The following WDFY3 variants were observed in gnomAD, a reference collection of about 807,000 sequenced individuals.
WDFY3 encodes WD repeat and FYVE domain containing 3.
WDFY3 carries 66 observed loss-of-function variants against 409.6 expected under a neutral mutation model. The observed-to-expected ratio is 0.16, with a 90% CI of 0.13 to 0.20. The LOEUF (loss-of-function observed/expected upper bound fraction) is 0.20, where lower values mean the gene tolerates loss of function less well. Among genes scored for constraint, WDFY3 ranks in the 10% least tolerant of loss-of-function variants. The pLI is 1.00. For missense variants in WDFY3, 3,031 were observed against 4,298.1 expected (o/e 0.71, Z 8.24); for synonymous variants, 1,521 against 1,537.1 (o/e 0.99, Z 0.25).
intron 47 of WDFY3, 146 bp downstream of exon 47, chr4:84,721,263 G>A: frequency 9.8e-7 from 1 of 1,020,126 alleles, no homozygotes. Context: ...GAGAAAAGTA[G>A]AGTACTGAAC....
intron 24 of WDFY3, 126 bp from the exon 25 acceptor site, chr4:84,783,200 A>C (rs1746875016): frequency 1.1e-6 from 1 of 883,628 alleles, no homozygotes; most frequent in South Asian, 1.7e-5. Flanking sequence ...AATACTGAAA[A>C]ACGAGCATTT....
intron 53 of WDFY3, 27 bp from the exon 54 acceptor site, chr4:84,705,538 C>T: frequency 4.5e-6 from 7 of 1,549,876 alleles, no homozygotes; most frequent in Non-Finnish European, 5.3e-6. Flanking sequence ...AACTCAATTC[C>T]AAGTTACTAT....
chr4:84,929,893 AAG>A (rs1467929125), intron 2 of WDFY3, among the ~76,000 whole-genome samples: 1 of 151,914 alleles, frequency 6.6e-6, no homozygotes, highest in Non-Finnish European at 1.5e-5. Flanking sequence ...CCTGGGCAAC[AAG>A]AGAGAAACTT....
chr4:84,858,983 CAGAT>C (rs550823056), intron 4 of WDFY3, among the ~76,000 whole-genome samples: 354 of 151,202 alleles, frequency 2.3e-3, no homozygotes, highest in African/African-American at 7.9e-3. Flanking sequence ...GAGAGACAGA[CAGAT>C]AGGAAGAAAG....
Position 84,743,722 on chromosome 4 carries a change from C to T in WDFY3, c.6051G>A (p.Leu2017=). The change falls in exon 37 of 68, where the codon TTG becomes TTA. Residue 2017 remains leucine, a synonymous_variant. Transcript: ENST00000295888. ...TACCTAATAACACATCAGCTGCAAG[C>T]AAATGGTCCATCACGCTATCCAAAA... ...TYILDSVMDH[L]LAADVLLGED... 6.3e-7 allele frequency: 1 copy of T among 1,578,864 alleles called. No homozygotes were observed. The highest frequency in any genetic ancestry group is 8.6e-7 in the Non-Finnish European group (1 of 1,158,828).
intron 67 of WDFY3, among the ~76,000 whole-genome samples, chr4:84,674,973 A>G (rs956314005): frequency 6.7e-6 from 1 of 150,148 alleles, no homozygotes; most frequent in Non-Finnish European, 1.5e-5. Context: ...TAAATTTATT[A>G]TCTATTTTTT....
At position 84,705,377 on chromosome 4, in the gene WDFY3, C is replaced by G. The variant is rs746969155; in HGVS notation, c.8335+17G>C. The G allele has an allele frequency of 6.2e-7, 1 of 1,602,310 alleles. No individual in the cohort carries two copies. Among genetic ancestry groups the G allele is most frequent in the Non-Finnish European group, 8.5e-7 (1 of 1,171,420 alleles). On this transcript the variant is annotated intron_variant, in intron 54 of 67. Coordinates refer to ENST00000295888, the MANE Select transcript of WDFY3 (RefSeq NM_014991.6). ...GAAACTTGGGTACAAAGTCCAATGA[C>G]AGAAAAAGTTCCTTACCATTAGGAT...
intron 1 of WDFY3, among the ~76,000 whole-genome samples, chr4:84,945,330 TAAATTATA>T (rs779173493): frequency 4.6e-5 from 7 of 152,220 alleles, no homozygotes; most frequent in Non-Finnish European, 7.3e-5. Flanking sequence ...TCTTAGCAGG[TAAATTATA>T]ACAAACCCTT....
chr4:84,759,046 T>C (rs1560684290), intron 32 of WDFY3, among the ~76,000 whole-genome samples: 1 of 152,198 alleles, frequency 6.6e-6, no homozygotes, highest in Admixed American at 6.5e-5. Context: ...CCCAGCACCA[T>C]TTATTGAACA....
At chr4:84,844,585 G>C in intron 5 of WDFY3, 2 of 1,189,622 alleles carry the variant, frequency 1.7e-6, no homozygotes, top group Non-Finnish European at 2.2e-6. Flanking sequence ...AGAGTACTGG[G>C]GTCAACATCA....
chr4:84,813,020 CAGG>C (rs917308288), intron 13 of WDFY3, among the ~76,000 whole-genome samples: 11 of 152,030 alleles, frequency 7.2e-5, no homozygotes, highest in African/African-American at 2.7e-4. Context: ...ATTTGTGCAT[CAGG>C]AGAATTTCCA....
intron 10 of WDFY3, among the ~76,000 whole-genome samples, chr4:84,824,262 G>A (rs1204547848): frequency 6.6e-6 from 1 of 152,134 alleles, no homozygotes; most frequent in Non-Finnish European, 1.5e-5. Flanking sequence ...TTAAGAGAGA[G>A]CACACATTTA....
In WDFY3 at chr4:84,678,235, T is replaced by C; in HGVS notation, c.10192A>G (p.Met3398Val). 1.2e-6 allele frequency: 2 copies of C among 1,614,112 alleles called. No individual in the cohort carries two copies. The highest frequency in any genetic ancestry group is 2.2e-5 in the South Asian group (2 of 91,080). ...RQLVFRSKLT[M>V]HTAFDRKDNA... ...TCCTTTCGATCAAAGGCTGTGTGCA[T>C]AGTCAGCTTACTCCTGAACACCAGC... The change falls in exon 66 of 68, where the codon ATG becomes GTG. Residue 3398 changes from methionine to valine, a missense_variant. Coordinates refer to ENST00000295888, the MANE Select transcript of WDFY3 (RefSeq NM_014991.6).
At chr4:84,755,240 A>G in intron 34 of WDFY3, 26 bp downstream of exon 34, 1 of 1,600,916 alleles carries the variant, frequency 6.2e-7, no homozygotes, top group Non-Finnish European at 8.5e-7. Flanking sequence ...AATTCTCAAT[A>G]GGCCTGGGCA....
intron 3 of WDFY3, among the ~76,000 whole-genome samples, chr4:84,884,941 T>C (rs1283804053): frequency 6.6e-6 from 1 of 152,194 alleles, no homozygotes; most frequent in Non-Finnish European, 1.5e-5. Flanking sequence ...CAAAATGGAT[T>C]AAAGATCCAA....
chr4:84,684,070 T>C lies in WDFY3; in HGVS notation c.9599A>G (p.Asn3200Ser). 6.2e-7 allele frequency: 1 copy of C among 1,612,526 alleles called. No homozygotes were observed. Among genetic ancestry groups the C allele is most frequent in the Non-Finnish European group, 8.5e-7 (1 of 1,178,716 alleles). Residue 3200 changes from asparagine (N) to serine (S), a missense_variant, in exon 63 of 68, where the codon AAC becomes AGC. Transcript: ENST00000295888. Reference protein sequence around the residue: ...TYIHVWSINGNPIVSVNTFTG... With the variant: ...TYIHVWSINGSPIVSVNTFTG... Reference sequence around the variant, plus strand: ...GAACGTGTTGACACTCACGATAGGGTTCCCATTGATGCTCCACACATGGAT... The same window carrying C: ...GAACGTGTTGACACTCACGATAGGGCTCCCATTGATGCTCCACACATGGAT...
intron 12 of WDFY3, among the ~76,000 whole-genome samples, chr4:84,819,119 G>A (rs1238816071): frequency 2.6e-5 from 4 of 151,958 alleles, no homozygotes; most frequent in South Asian, 2.1e-4. Flanking sequence ...GTCTATCTTA[G>A]CATTTGCCAA....
intron 1 of WDFY3, among the ~76,000 whole-genome samples, chr4:84,935,968 T>G (rs1042091912): frequency 3.9e-5 from 6 of 152,270 alleles, no homozygotes; most frequent in African/African-American, 1.2e-4. Context: ...GACCCTGACA[T>G]TTTACATATT....
intron 42 of WDFY3, 65 bp downstream of exon 42, chr4:84,736,105 T>C (rs1479200213): frequency 2.0e-6 from 3 of 1,467,742 alleles, no homozygotes; most frequent in Non-Finnish European, 2.7e-6. Flanking sequence ...ATCAATTGCT[T>C]GTACATGTTA....
Sources: allele counts gnomAD v4.1 joint callset (sites outside exome capture counted in the v4.1 genomes callset), GRCh38; gene constraint gnomAD v4.1.1; transcripts MANE v1.5; gene names NCBI Gene and HGNC (gene_info 2026-07-23, HGNC 2026-07-21).